PCDHA3: variants seen among roughly 807,000 people sequenced by gnomAD.
The protein encoded by PCDHA3 is protocadherin alpha 3.
A neutral mutation model predicts 62.2 loss-of-function variants in PCDHA3; 41 were observed. The ratio of observed to expected loss-of-function variants is 0.66; its 90% CI spans 0.51 to 0.86. The LOEUF is 0.86. Among genes scored for constraint, PCDHA3 ranks in the 40% least tolerant of loss-of-function variants. The pLI is 0.00. For synonymous variants in PCDHA3, 640 were observed against 555.4 expected (o/e 1.15, Z -2.14); for missense variants, 1,304 against 1,241.2 (o/e 1.05, Z -0.76).
chr5:140,827,105 A>G (rs2150146400), intron 1 of PCDHA3, among the ~76,000 whole-genome samples: 7 of 152,210 alleles, frequency 4.6e-5, no homozygotes, highest in Non-Finnish European at 1.0e-4. Flanking sequence ...GTCAGCATGT[A>G]TAGGTGAAAG....
rs568722959 is a variant in PCDHA3 at position 140,970,085 on chromosome 5, T to C, written c.2395-8864T>C. Among the ~76,000 whole-genome samples the C allele has an allele frequency of 2.6e-5, 4 of 151,946 alleles. No homozygotes were observed. The East Asian group carries it at 7.7e-4, about 29-fold the overall frequency. ...TATTAGAATGAGTGGATTAGGGGTG[T>C]GGGGGGATGGTGAAGACCAAGAGAA... is the stretch of plus-strand genomic sequence containing the variant. On this transcript the variant is annotated intron_variant, in intron 1 of 3. Coordinates refer to ENST00000522353, the MANE Select transcript of PCDHA3 (RefSeq NM_018906.3).
At chr5:140,965,851 A>C (rs1257954575) in intron 1 of PCDHA3, among the ~76,000 whole-genome samples, 1 of 152,252 alleles carries the variant, frequency 6.6e-6, no homozygotes, top group Non-Finnish European at 1.5e-5. Flanking sequence ...GCCAAGGCAC[A>C]CACTGAAAAT....
chr5:140,976,378 C>A (rs908008970), intron 1 of PCDHA3, among the ~76,000 whole-genome samples: 2 of 151,926 alleles, frequency 1.3e-5, no homozygotes, highest in Non-Finnish European at 2.9e-5. Flanking sequence ...TGGTGAAACC[C>A]CATCTCTACT....
intron 1 of PCDHA3, chr5:140,866,771 G>T (rs1274249290): frequency 2.0e-5 from 3 of 152,268 alleles, no homozygotes; most frequent in Non-Finnish European, 2.9e-5. Flanking sequence ...CAGGCAGATT[G>T]TATGTCCTGA....
In PCDHA3 at chr5:140,844,415, G is replaced by GT. The variant is rs1436440937; in HGVS notation, c.2394+40830dup. Among the ~76,000 whole-genome samples, 5 of 149,230 alleles carry GT rather than the reference G, an allele frequency of 3.4e-5. 1 individual carries two copies. Among genetic ancestry groups the GT allele is most frequent in the Non-Finnish European group, 6.0e-5 (4 of 66,716 alleles). On this transcript the variant is annotated intron_variant, in intron 1 of 3. Transcript: ENST00000522353. ...AGACCATTTTACCATTTGGAGACAT[G>GT]TTTTTTATTCTACATGATTTTTACA...
chr5:140,929,717 A>G (rs1408315390), intron 1 of PCDHA3: 1 of 229,936 alleles, frequency 4.3e-6, no homozygotes, highest in Non-Finnish European at 9.0e-6. Flanking sequence ...ATGGAAGGTG[A>G]AACATTTACT....
chr5:140,884,160 T>G lies in PCDHA3; in HGVS notation c.2394+80569T>G. 2 of 1,613,366 alleles carry G rather than the reference T, an allele frequency of 1.2e-6. No homozygotes were observed. The highest frequency in any genetic ancestry group is 1.7e-6 in the Non-Finnish European group (2 of 1,179,734). Reference sequence around the variant, plus strand: ...CGCGTGGGGCTGTACACTGGCGAGATCAGCACGACGCGCCCTCTGGACGAG... The same window carrying G: ...CGCGTGGGGCTGTACACTGGCGAGAGCAGCACGACGCGCCCTCTGGACGAG... On this transcript the variant is annotated intron_variant, in intron 1 of 3. Coordinates refer to ENST00000522353, the MANE Select transcript of PCDHA3 (RefSeq NM_018906.3).
chr5:140,801,880 T>C lies in PCDHA3; in HGVS notation c.683T>C (p.Leu228Pro). The C allele has an allele frequency of 6.2e-7, 1 of 1,614,148 alleles. No homozygotes were observed. The highest frequency in any genetic ancestry group is 8.5e-7 in the Non-Finnish European group (1 of 1,180,034). The stretch of plus-strand genomic sequence containing the variant: ...CCAGAGCTCACTGGCACGACTCAAC[T>C]AAAGATCACTGTTTTAGATGTAAAC... Reference protein sequence around the residue: ...GKPELTGTTQLKITVLDVNDN... With the variant: ...GKPELTGTTQPKITVLDVNDN... The change falls in exon 1 of 4, where the codon CTA becomes CCA. Residue 228 changes from leucine (L) to proline (P), a missense_variant. Leu to Pro is a moderately conservative substitution (Grantham distance 98). Coordinates refer to ENST00000522353, the MANE Select transcript of PCDHA3 (RefSeq NM_018906.3).
At chr5:140,883,871 G>A (rs1554180366) in intron 1 of PCDHA3, 2 of 1,613,242 alleles carry the variant, frequency 1.2e-6, no homozygotes, top group African/African-American at 2.7e-5. Context: ...GCAGTTCCAG[G>A]TGAGCGCGCG....
intron 1 of PCDHA3, chr5:140,807,909 C>G (rs901067818): frequency 2.5e-6 from 4 of 1,614,064 alleles, no homozygotes; most frequent in Non-Finnish European, 3.4e-6. Context: ...AATGCCCCAG[C>G]TTTTGACAGA....
intron 1 of PCDHA3, among the ~76,000 whole-genome samples, chr5:140,820,412 A>G: frequency 6.6e-6 from 1 of 152,030 alleles, no homozygotes. Flanking sequence ...TTTTAAATGT[A>G]AAAGTATCCA....
At chr5:140,951,343 G>C (rs2094573680) in intron 1 of PCDHA3, among the ~76,000 whole-genome samples, 1 of 151,988 alleles carries the variant, frequency 6.6e-6, no homozygotes, top group South Asian at 2.1e-4. Flanking sequence ...GTTTGTGTTA[G>C]TCCATTATTG....
intron 1 of PCDHA3, chr5:140,870,402 T>A (rs782585618): frequency 3.7e-6 from 6 of 1,614,230 alleles, no homozygotes; most frequent in Middle Eastern, 1.6e-4. Context: ...GTTCGCCTTC[T>A]CTGTGGGCCA....
At chr5:140,904,436 T>C (rs1554191522) in intron 1 of PCDHA3, among the ~76,000 whole-genome samples, 1 of 151,240 alleles carries the variant, frequency 6.6e-6, no homozygotes, top group Admixed American at 6.6e-5. Flanking sequence ...TATATATGTA[T>C]ATTACAATTT....
intron 1 of PCDHA3, chr5:140,842,566 CGA>C: frequency 6.7e-7 from 1 of 1,503,446 alleles, no homozygotes; most frequent in Non-Finnish European, 9.0e-7. Context: ...CCCTGGACCG[CGA>C]GAGAGTGTCG....
intron 1 of PCDHA3, chr5:140,830,609 TTTTA>T: frequency 4.9e-6 from 3 of 615,770 alleles, no homozygotes; most frequent in Admixed American, 3.9e-5. Flanking sequence ...CATATTTTCA[TTTTA>T]TTGTGTTTCT....
At position 140,857,244 on chromosome 5, in the gene PCDHA3, C is replaced by T. The variant is rs192745808; in HGVS notation, c.2394+53653C>T. On this transcript the variant is annotated intron_variant, in intron 1 of 3. Coordinates refer to ENST00000522353, the MANE Select transcript of PCDHA3 (RefSeq NM_018906.3). ...CACGTTCCGTTCAAGCTGGTGTCCA[C>T]CTACAAGAATTACTACTCATTGGTG... 5 of 1,598,592 alleles carry T rather than the reference C, an allele frequency of 3.1e-6. 1 individual carries two copies. In the African/African-American group the frequency reaches 6.7e-5, roughly 21 times the overall value.
chr5:140,967,925 C>T, intron 1 of PCDHA3: 1 of 1,614,224 alleles, frequency 6.2e-7, no homozygotes, highest in South Asian at 1.1e-5. Context: ...TGTGGCCGTT[C>T]TCAGTGTCAA....
chr5:140,821,838 C>CT (rs1767080006), intron 1 of PCDHA3: 1 of 1,614,194 alleles, frequency 6.2e-7, no homozygotes, highest in African/African-American at 1.3e-5. Flanking sequence ...TTCTCCTTGC[C>CT]TACTGGAAGG....
Sources: allele counts gnomAD v4.1 joint callset (sites outside exome capture counted in the v4.1 genomes callset), GRCh38; gene constraint gnomAD v4.1.1; transcripts MANE v1.5; gene names NCBI Gene and HGNC (gene_info 2026-07-23, HGNC 2026-07-21).